The following EXD1 variants were observed in gnomAD, a reference collection of about 807,000 sequenced individuals.
The protein encoded by EXD1 is piRNA biogenesis protein EXD1.
A neutral mutation model predicts 49.1 loss-of-function variants in EXD1; 63 were observed. That is an observed-to-expected ratio of 1.28 (90% CI 1.05 to 1.58). The LOEUF is 1.58. Among genes scored for constraint, EXD1 ranks in the 40% most tolerant of loss-of-function variants. The probability of loss-of-function intolerance (pLI) is 0.00; values close to 1 mark genes in which losing one functional copy is unlikely to be tolerated. For synonymous variants in EXD1, 234 were observed against 239.2 expected (o/e 0.98, Z 0.20); for missense variants, 748 against 666.0 (o/e 1.12, Z -1.36).
At chr15:41,207,437 G>C (rs549609246) in intron 7 of EXD1, among the ~76,000 whole-genome samples, 9 of 152,162 alleles carry the variant, frequency 5.9e-5, no homozygotes, top group African/African-American at 2.2e-4. Context: ...ACTCGGGAGA[G>C]GCTGAGGCAG....
chr15:41,190,073 A>G lies in EXD1; in HGVS notation c.920T>C (p.Leu307Ser), dbSNP rs2046483561. 2 of 1,614,202 alleles carry G rather than the reference A, an allele frequency of 1.2e-6. No individual in the cohort carries two copies. Among genetic ancestry groups the G allele is most frequent in the Non-Finnish European group, 1.7e-6 (2 of 1,180,024 alleles). ...TAACAGGTAGGTAGCTTCCAGGGCCAAAATTTTCAGTAAAGAGGGTGAAAC... is the reference window on the plus strand; with the variant it reads ...TAACAGGTAGGTAGCTTCCAGGGCCGAAATTTTCAGTAAAGAGGGTGAAAC... ...RPVSPSLLKI[L>S]ALEATYLLPL... The change falls in exon 11 of 12, where the codon TTG becomes TCG. Residue 307 changes from leucine (L) to serine (S), a missense_variant. Leu to Ser is a moderately radical substitution (Grantham distance 145, BLOSUM62 -2). Transcript: ENST00000458580.
intron 7 of EXD1, among the ~76,000 whole-genome samples, chr15:41,197,448 G>A (rs2046634004): frequency 6.6e-6 from 1 of 150,450 alleles, no homozygotes; most frequent in African/African-American, 2.4e-5. Flanking sequence ...TGTTAGCCAG[G>A]ATGGTCTCGA....
At position 41,209,556 on chromosome 15, in the gene EXD1, C is replaced by A; in HGVS notation, c.479G>T (p.Ser160Ile). Reference sequence around the variant, plus strand: ...TACATTCGCTCCTTCTGCTGCCACACTCAGGACATTCTGCTTCTTGATATG... The same window carrying A: ...TACATTCGCTCCTTCTGCTGCCACAATCAGGACATTCTGCTTCTTGATATG... ...ILHIKKQNVLSVAAEGANVCR... is the reference protein window; with the variant it reads ...ILHIKKQNVLIVAAEGANVCR... The change falls in exon 7 of 12, where the codon AGT (serine) becomes ATT (isoleucine). Residue 160 changes from serine (S) to isoleucine (I), a missense_variant. By Grantham distance (142) the Ser-to-Ile change is moderately radical. Transcript: ENST00000458580. 1 of 1,614,188 alleles carries A rather than the reference C, an allele frequency of 6.2e-7. No homozygotes were observed. The highest frequency in any genetic ancestry group is 8.5e-7 in the Non-Finnish European group (1 of 1,180,032).
At chr15:41,221,963 G>A (rs983435040) in intron 2 of EXD1, among the ~76,000 whole-genome samples, 7 of 151,670 alleles carry the variant, frequency 4.6e-5, no homozygotes, top group Non-Finnish European at 1.0e-4. Context: ...AGCCAGGCGC[G>A]GTGGCAGGTG....
rs143347506 is a variant in EXD1, at chr15:41,224,988, A to G, written c.133+1455T>C. On this transcript the variant is annotated intron_variant, in intron 2 of 11. Transcript: ENST00000458580. ...GTCTTAAAAAAAAAAGGATAGCCCT[A>G]TGTTTCTTTTGCATTTGCCTGTTCT... Among the ~76,000 whole-genome samples, 452 of 152,090 alleles carry G rather than the reference A, an allele frequency of 3.0e-3. 1 individual carries two copies. Among genetic ancestry groups the G allele is most frequent in the Non-Finnish European group, 4.9e-3 (330 of 67,984 alleles).
intron 9 of EXD1, among the ~76,000 whole-genome samples, chr15:41,194,276 G>A (rs765405808): frequency 3.3e-5 from 5 of 152,128 alleles, no homozygotes; most frequent in Non-Finnish European, 5.9e-5. Context: ...CTCCCAAAGT[G>A]TTGGGATTAC....
rs1410071425 is a variant in EXD1 at position 41,184,027 on chromosome 15, A to G, written c.1623T>C (p.Phe541=). 1 of 1,614,198 alleles carries G rather than the reference A, an allele frequency of 6.2e-7. No homozygotes were observed. The highest frequency in any genetic ancestry group is 1.7e-5 in the Admixed American group (1 of 60,006). Residue 541 remains phenylalanine, a synonymous_variant, in exon 12 of 12, where the codon TTT becomes TTC. Transcript: ENST00000458580. ...AAACCACAGTCTTTCTGATAGGATA[A>G]AAAGTGTCACTTGGAGACACTCTGG... The part of the protein sequence containing the change: ...QETRVSPSDT[F]YPIRKTVVST...
At chr15:41,191,326 G>T in intron 10 of EXD1, 116 bp downstream of exon 10, 3 of 881,726 alleles carry the variant, frequency 3.4e-6, no homozygotes, top group Non-Finnish European at 5.1e-6. Context: ...TTAAGATTTT[G>T]GCAATGTTCA....
chr15:41,204,111 G>A (rs2046780557), intron 7 of EXD1, among the ~76,000 whole-genome samples: 1 of 150,686 alleles, frequency 6.6e-6, no homozygotes, highest in African/African-American at 2.4e-5. Context: ...AGCCAGGCAT[G>A]GTGGCATGCA....
chr15:41,204,212 C>A (rs1273547947), intron 7 of EXD1, among the ~76,000 whole-genome samples: 1 of 141,138 alleles, frequency 7.1e-6, no homozygotes, highest in Non-Finnish European at 1.5e-5. Context: ...CATGCCACTG[C>A]ACCCCAGCCT....
In EXD1 at chr15:41,215,843, A is replaced by G; in HGVS notation, c.389-10T>C. On this transcript the variant is annotated splice_polypyrimidine_tract_variant and intron_variant, in intron 5 of 11. Transcript: ENST00000458580. ...GTCACCTCCTCTTCCTCTACAAGAC[A>G]AGGATTGCATTAGATATATTTCTCT... 6.2e-7 allele frequency: 1 copy of G among 1,613,190 alleles called. No homozygotes were observed. The highest frequency in any genetic ancestry group is 8.5e-7 in the Non-Finnish European group (1 of 1,179,302).
rs1047867031 is a variant in EXD1, at chr15:41,209,490, A to C, written c.534+11T>G. The C allele has an allele frequency of 1.2e-6, 2 of 1,607,934 alleles. No individual in the cohort carries two copies. On this transcript the variant is annotated intron_variant, in intron 7 of 11. Transcript: ENST00000458580. ...TTACTTCAAAATAAAAAGTTTTCAA[A>C]AATCTTTCACCTGCAGCCAGCACAG...
chr15:41,194,371 G>A (rs1264466617), intron 9 of EXD1, among the ~76,000 whole-genome samples: 1 of 152,068 alleles, frequency 6.6e-6, no homozygotes, highest in Non-Finnish European at 1.5e-5. Flanking sequence ...AGAGGAGAAG[G>A]TGATGTGATG....
intron 6 of EXD1, among the ~76,000 whole-genome samples, chr15:41,211,396 C>A (rs181683670): frequency 6.6e-6 from 1 of 152,088 alleles, no homozygotes; most frequent in African/African-American, 2.4e-5. Flanking sequence ...CAAGACTGAG[C>A]CACCACGCCT....
rs2047225862 is a variant in EXD1, at chr15:41,230,553, A to G, written c.-128T>C. 1 of 1,613,968 alleles carries G rather than the reference A, an allele frequency of 6.2e-7. No individual in the cohort carries two copies. Among genetic ancestry groups the G allele is most frequent in the Admixed American group, 1.7e-5 (1 of 59,988 alleles). ...AGGAAGTTTGGGAAATCTGGATCCT[A>G]ATTTCAGCCAAGTGGTGCGTTCCTC... On this transcript the variant is annotated 5_prime_UTR_variant, in exon 1 of 12. Transcript: ENST00000458580.
At chr15:41,196,733 T>C (rs1367444398) in intron 7 of EXD1, among the ~76,000 whole-genome samples, 3 of 149,798 alleles carry the variant, frequency 2.0e-5, no homozygotes, top group African/African-American at 7.4e-5. Flanking sequence ...ACCTGGCCAA[T>C]TTTTTTTATT....
intron 3 of EXD1, 117 bp from the exon 4 acceptor site, chr15:41,217,271 T>C (rs930269324): frequency 4.9e-6 from 4 of 823,210 alleles, no homozygotes; most frequent in Non-Finnish European, 7.7e-6. Context: ...GGAAATGACA[T>C]GTTAGTCCAC....
intron 7 of EXD1, among the ~76,000 whole-genome samples, chr15:41,208,888 A>G (rs1344669574): frequency 6.6e-6 from 1 of 152,154 alleles, no homozygotes. Context: ...CACTCTTCAT[A>G]GAACTAAGGT....
At chr15:41,190,222 C>T in intron 10 of EXD1, 94 bp from the exon 11 acceptor site, 1 of 1,337,596 alleles carries the variant, frequency 7.5e-7, no homozygotes, top group Non-Finnish European at 1.1e-6. Context: ...TGCCTGTAAT[C>T]CCAGCACTCT....
Sources: allele counts gnomAD v4.1 joint callset (sites outside exome capture counted in the v4.1 genomes callset), GRCh38; gene constraint gnomAD v4.1.1; transcripts MANE v1.5; gene names NCBI Gene and HGNC (gene_info 2026-07-23, HGNC 2026-07-21).